The following TACR1 variants were observed in gnomAD, a reference collection of about 807,000 sequenced individuals.
TACR1 encodes the protein tachykinin receptor 1.
A neutral mutation model predicts 35.8 loss-of-function variants in TACR1; 25 were observed. That is an observed-to-expected ratio of 0.70 (90% CI 0.51 to 0.98). TACR1 has a LOEUF of 0.98. TACR1 is among the 50% of genes least tolerant of loss of function. The pLI is 0.00. For missense variants in TACR1, 478 were observed against 522.9 expected (o/e 0.91, Z 0.84); for synonymous variants, 195 against 206.7 (o/e 0.94, Z 0.48).
In TACR1 at chr2:75,104,775, A is replaced by G. The variant is rs117615741; in HGVS notation, c.584+15799T>C. Reference sequence around the variant, plus strand: ...CGACATACAAATGGCTTTCAGGTATATGAGAAAAATGCTCAGCAGCACTAA... The same window carrying G: ...CGACATACAAATGGCTTTCAGGTATGTGAGAAAAATGCTCAGCAGCACTAA... On this transcript the variant is annotated intron_variant, in intron 2 of 4. Coordinates refer to ENST00000305249, the MANE Select transcript of TACR1 (RefSeq NM_001058.4). Among the ~76,000 whole-genome samples the G allele has an allele frequency of 5.7e-4, 87 of 152,218 alleles. No homozygotes were observed. The East Asian group carries it at 0.017, about 29-fold the overall frequency.
chr2:75,145,970 T>A (rs1674501583), intron 1 of TACR1, among the ~76,000 whole-genome samples: 1 of 152,074 alleles, frequency 6.6e-6, no homozygotes, highest in Admixed American at 6.6e-5. Context: ...CCCAGAACAC[T>A]GTGGGGAATG....
intron 2 of TACR1, among the ~76,000 whole-genome samples, chr2:75,067,125 A>G (rs1672778244): frequency 6.6e-6 from 1 of 152,214 alleles, no homozygotes; most frequent in Non-Finnish European, 1.5e-5. Flanking sequence ...GCAGGAGGTT[A>G]GCTAAGACAG....
At chr2:75,128,927 C>T (rs1674129927) in intron 1 of TACR1, among the ~76,000 whole-genome samples, 1 of 152,120 alleles carries the variant, frequency 6.6e-6, no homozygotes, top group Non-Finnish European at 1.5e-5. Flanking sequence ...GCTGATGCTA[C>T]TGGGACAAAC....
intron 2 of TACR1, chr2:75,090,669 A>G (rs1673290911): frequency 6.5e-6 from 1 of 153,332 alleles, no homozygotes; most frequent in Non-Finnish European, 1.5e-5. Context: ...CCCATCCCCA[A>G]TCACCACTCT....
chr2:75,071,262 A>G (rs910022258), intron 2 of TACR1, among the ~76,000 whole-genome samples: 2 of 152,202 alleles, frequency 1.3e-5, no homozygotes, highest in Non-Finnish European at 2.9e-5. Context: ...CTGAATTACA[A>G]TCATTATAGA....
intron 1 of TACR1, among the ~76,000 whole-genome samples, chr2:75,125,434 C>T (rs992789872): frequency 2.0e-5 from 3 of 152,126 alleles, no homozygotes; most frequent in African/African-American, 7.2e-5. Flanking sequence ...ATTCACTGTC[C>T]TCGGCCTCCC....
chr2:75,145,881 C>T (rs1365830906), intron 1 of TACR1, among the ~76,000 whole-genome samples: 1 of 151,994 alleles, frequency 6.6e-6, no homozygotes, highest in Non-Finnish European at 1.5e-5. Flanking sequence ...TTTTGAATTC[C>T]GTAGGGAGAT....
chr2:75,078,063 CG>C (rs1673013337), intron 2 of TACR1, among the ~76,000 whole-genome samples: 1 of 152,174 alleles, frequency 6.6e-6, no homozygotes, highest in South Asian at 2.1e-4. Flanking sequence ...TGCAGCAGGA[CG>C]GTGTTTCAAA....
At chr2:75,142,806 A>C (rs1446214434) in intron 1 of TACR1, among the ~76,000 whole-genome samples, 3 of 152,306 alleles carry the variant, frequency 2.0e-5, no homozygotes, top group African/African-American at 7.2e-5. Context: ...CAGTTGTTTT[A>C]TAAATATATG....
intron 1 of TACR1, among the ~76,000 whole-genome samples, chr2:75,184,043 T>C (rs573228432): frequency 6.6e-6 from 1 of 152,316 alleles, no homozygotes; most frequent in African/African-American, 2.4e-5. Flanking sequence ...AAAGACAGCA[T>C]TAAAAAATTA....
chr2:75,076,312 T>A (rs890179964), intron 2 of TACR1, among the ~76,000 whole-genome samples: 1 of 152,212 alleles, frequency 6.6e-6, no homozygotes, highest in Non-Finnish European at 1.5e-5. Context: ...ATCCATCACC[T>A]GTTGTCTTTC....
chr2:75,162,043 C>CA (rs35438025), intron 1 of TACR1, among the ~76,000 whole-genome samples: 53,506 of 94,030 alleles, frequency 0.57, 15,487 homozygotes, highest in South Asian at 0.74. Context: ...TTGACTCTTC[C>CA]AAAAAAAAAA....
chr2:75,198,592 C>G lies in TACR1; in HGVS notation c.343G>C (p.Ala115Pro). 1 of 1,614,144 alleles carries G rather than the reference C, an allele frequency of 6.2e-7. No homozygotes were observed. Among genetic ancestry groups the G allele is most frequent in the Non-Finnish European group, 8.5e-7 (1 of 1,180,018 alleles). ...CKFHNFFPIA[A>P]VFASIYSMTA... Reference sequence around the variant, plus strand: ...ATGGAGTAGATACTGGCGAAGACAGCGGCGATGGGAAAGAAGTTGTGGAAC... The same window carrying G: ...ATGGAGTAGATACTGGCGAAGACAGGGGCGATGGGAAAGAAGTTGTGGAAC... The change falls in exon 1 of 5, where the codon GCT becomes CCT. Residue 115 changes from alanine to proline, a missense_variant. Coordinates refer to ENST00000305249, the MANE Select transcript of TACR1 (RefSeq NM_001058.4).
intron 2 of TACR1, among the ~76,000 whole-genome samples, chr2:75,069,689 TGAG>T (rs1672836523): frequency 6.6e-6 from 1 of 152,208 alleles, no homozygotes; most frequent in African/African-American, 2.4e-5. Flanking sequence ...TTGACTGTTT[TGAG>T]GAGTATTGGT....
chr2:75,090,548 A>G (rs1285398045), intron 2 of TACR1, among the ~76,000 whole-genome samples: 1 of 152,142 alleles, frequency 6.6e-6, no homozygotes, highest in Non-Finnish European at 1.5e-5. Flanking sequence ...AACTCAACCA[A>G]TTGTCAAGCA....
chr2:75,135,351 C>A (rs1674257775), intron 1 of TACR1, among the ~76,000 whole-genome samples: 1 of 152,218 alleles, frequency 6.6e-6, no homozygotes, highest in Non-Finnish European at 1.5e-5. Context: ...AGGGACTAGA[C>A]AAATTCTGGT....
intron 1 of TACR1, among the ~76,000 whole-genome samples, chr2:75,184,235 A>C (rs1409448362): frequency 1.3e-5 from 2 of 152,186 alleles, no homozygotes; most frequent in African/African-American, 4.8e-5. Context: ...AATAGATGGC[A>C]AAAACACAAT....
intron 2 of TACR1, among the ~76,000 whole-genome samples, chr2:75,054,966 G>A (rs1296769736): frequency 1.3e-5 from 2 of 152,110 alleles, no homozygotes; most frequent in African/African-American, 4.8e-5. Context: ...TTTTGTAGAC[G>A]AGGAAACCAC....
rs549918281 is a variant in TACR1, at chr2:75,106,719, G to C, written c.584+13855C>G. 3.9e-5 allele frequency among the ~76,000 whole-genome samples: 6 copies of C among 151,952 alleles called. No individual in the cohort carries two copies. The East Asian group carries it at 1.2e-3, about 29-fold the overall frequency. ...AATATTGTAAATGTTAATAGCTATG[G>C]AAGTAGGGAATATTTTTAAAAAAAC... On this transcript the variant is annotated intron_variant, in intron 2 of 4. Transcript: ENST00000305249.
Sources: gnomAD v4.1 joint callset for allele counts (sites outside exome capture counted in the v4.1 genomes callset) on GRCh38, gnomAD v4.1.1 for gene constraint, MANE v1.5 for transcripts, NCBI Gene and HGNC (gene_info 2026-07-23, HGNC 2026-07-21) for gene names.